The following SYN3 variants were observed in gnomAD, a reference collection of about 807,000 sequenced individuals.
SYN3 encodes the protein synapsin III.
In SYN3, 35 loss-of-function variants were observed where a neutral mutation model predicts 65.8. The observed-to-expected ratio is 0.53, with a 90% CI of 0.41 to 0.70. SYN3 has a LOEUF of 0.70. Among genes scored for constraint, SYN3 ranks in the 30% least tolerant of loss-of-function variants. The pLI, the probability that SYN3 is intolerant of heterozygous loss-of-function variation, is 0.00. For missense variants in SYN3, 680 were observed against 749.0 expected (o/e 0.91, Z 1.08); for synonymous variants, 270 against 292.9 (o/e 0.92, Z 0.80).
At chr22:32,997,071 T>C (rs2052902116) in intron 2 of SYN3, among the ~76,000 whole-genome samples, 1 of 151,800 alleles carries the variant, frequency 6.6e-6, no homozygotes, top group Non-Finnish European at 1.5e-5. Flanking sequence ...GTGGGAGAGG[T>C]TGGGGAGTGG....
chr22:32,594,049 A>G (rs909141149), intron 7 of SYN3, among the ~76,000 whole-genome samples: 10 of 152,164 alleles, frequency 6.6e-5, no homozygotes, highest in Non-Finnish European at 1.2e-4. Context: ...TGAATTAGCA[A>G]CAGACGATCA....
chr22:32,606,812 A>T (rs900801595), intron 6 of SYN3, among the ~76,000 whole-genome samples: 1 of 150,616 alleles, frequency 6.6e-6, no homozygotes. Context: ...TTTATTTTTT[A>T]TTTTTTTAAT....
chr22:32,559,348 A>G (rs1283720099), intron 7 of SYN3, among the ~76,000 whole-genome samples: 1 of 152,214 alleles, frequency 6.6e-6, no homozygotes, highest in Non-Finnish European at 1.5e-5. Context: ...TATTAGGTGG[A>G]GATGAGAGAT....
At chr22:33,018,335 T>C (rs1267410699) in intron 1 of SYN3, among the ~76,000 whole-genome samples, 2 of 152,214 alleles carry the variant, frequency 1.3e-5, no homozygotes. Flanking sequence ...AGAGGGATTC[T>C]GGTGAAAGCC....
At chr22:32,934,375 A>C (rs2050717716) in intron 3 of SYN3, among the ~76,000 whole-genome samples, 1 of 152,186 alleles carries the variant, frequency 6.6e-6, no homozygotes. Flanking sequence ...TTGGATGTAC[A>C]AGTTAGAGGT....
intron 6 of SYN3, among the ~76,000 whole-genome samples, chr22:32,843,241 C>T (rs1487723756): frequency 1.3e-5 from 2 of 152,230 alleles, no homozygotes; most frequent in Non-Finnish European, 2.9e-5. Context: ...TGCTTGGCAC[C>T]TAAGAGGCAT....
intron 7 of SYN3, among the ~76,000 whole-genome samples, chr22:32,569,404 T>A (rs111213290): frequency 9.0e-4 from 60 of 66,504 alleles, no homozygotes; most frequent in African/African-American, 5.1e-3. Flanking sequence ...ATCCAAAATC[T>A]ATCTATCTAT....
chr22:32,646,890 T>C (rs1347991957), intron 6 of SYN3, among the ~76,000 whole-genome samples: 33 of 152,314 alleles, frequency 2.2e-4, no homozygotes, highest in Admixed American at 2.1e-3. Context: ...AGTGGAGACC[T>C]GTTTGGCTTG....
intron 3 of SYN3, among the ~76,000 whole-genome samples, chr22:32,966,165 T>G (rs2146915241): frequency 6.6e-6 from 1 of 152,200 alleles, no homozygotes; most frequent in East Asian, 1.9e-4. Flanking sequence ...GGAAGTGTGA[T>G]GTAGACACAG....
intron 1 of SYN3, among the ~76,000 whole-genome samples, chr22:33,010,730 G>A (rs901094813): frequency 1.3e-5 from 2 of 152,144 alleles, no homozygotes; most frequent in African/African-American, 4.8e-5. Flanking sequence ...AGACTGAGTA[G>A]AATTGTCACT....
At chr22:32,998,610 C>T (rs2052956382) in intron 2 of SYN3, among the ~76,000 whole-genome samples, 1 of 151,934 alleles carries the variant, frequency 6.6e-6, no homozygotes, top group South Asian at 2.1e-4. Context: ...CGCTGCTCCC[C>T]CAACAGCCCT....
intron 6 of SYN3, among the ~76,000 whole-genome samples, chr22:32,636,907 C>A (rs1485478865): frequency 6.6e-6 from 1 of 152,082 alleles, no homozygotes; most frequent in East Asian, 1.9e-4. Context: ...AAGCAATTAA[C>A]CTCTTTTTGA....
intron 2 of SYN3, among the ~76,000 whole-genome samples, chr22:32,998,026 CAA>C (rs133930): frequency 2.3e-4 from 25 of 108,062 alleles, no homozygotes; most frequent in Admixed American, 4.2e-4. Flanking sequence ...GACTCCATCT[CAA>C]AAAAAAAAAA....
chr22:32,579,502 T>A (rs908696910), intron 7 of SYN3, among the ~76,000 whole-genome samples: 3 of 152,206 alleles, frequency 2.0e-5, no homozygotes, highest in Non-Finnish European at 2.9e-5. Context: ...AGAGTCCTCA[T>A]GACTTAATCA....
At chr22:32,755,984 C>T (rs2045277414) in intron 6 of SYN3, among the ~76,000 whole-genome samples, 3 of 151,716 alleles carry the variant, frequency 2.0e-5, no homozygotes, top group South Asian at 4.2e-4. Context: ...GAAAAACAAA[C>T]GCCGCATGTT....
intron 1 of SYN3, among the ~76,000 whole-genome samples, chr22:33,017,787 G>T (rs1286938831): frequency 6.6e-6 from 1 of 150,396 alleles, no homozygotes. Flanking sequence ...GAATCTTTAG[G>T]ATTTTCTATA....
intron 6 of SYN3, among the ~76,000 whole-genome samples, chr22:32,710,645 A>AAAAAAAAAAAAAAAAAAG (rs1555931894): frequency 0.055 from 6,812 of 124,764 alleles, 571 homozygotes; most frequent in East Asian, 0.17. Context: ...AAAAAAAAAA[A>AAAAAAAAAAAAAAAAAAG]AAAGAAAGAA....
At position 32,528,967 on chromosome 22, in the gene SYN3, T is replaced by C; in HGVS notation, c.1137A>G (p.Glu379=). The change falls in exon 11 of 14, where the codon GAA becomes GAG. Residue 379 remains glutamate (E), a synonymous_variant. Transcript: ENST00000358763. ...SSMPLIGEHV[E]EDRQLMADLV... is the part of the protein sequence containing the mutation. ...GGTCGGCCATCAGCTGTCTGTCCTC[T>C]TCCACATGCTCTCCAATCAGCGGCA... The C allele has an allele frequency of 6.2e-7, 1 of 1,614,014 alleles. No homozygotes were observed. Among genetic ancestry groups the C allele is most frequent in the Non-Finnish European group, 8.5e-7 (1 of 1,180,032 alleles).
chr22:32,635,273 A>G (rs554425187), intron 6 of SYN3: 1 of 152,212 alleles, frequency 6.6e-6, no homozygotes, highest in African/African-American at 2.4e-5. Context: ...CTAGTCTATC[A>G]GTCATCTATC....
Sources: allele counts gnomAD v4.1 joint callset (sites outside exome capture counted in the v4.1 genomes callset), GRCh38; gene constraint gnomAD v4.1.1; transcripts MANE v1.5; gene names NCBI Gene and HGNC (gene_info 2026-07-23, HGNC 2026-07-21).